The following FGF12 variants were observed in gnomAD, a reference collection of about 807,000 sequenced individuals.
The protein encoded by FGF12 is fibroblast growth factor 12B.
A neutral mutation model predicts 23.6 loss-of-function variants in FGF12; 14 were observed. The observed-to-expected ratio is 0.59, with a 90% confidence interval of 0.39 to 0.93. The LOEUF (loss-of-function observed/expected upper bound fraction) is 0.93. FGF12 is among the 40% of genes least tolerant of loss of function. FGF12 has a pLI of 0.00. For synonymous variants in FGF12, 62 were observed against 77.3 expected (o/e 0.80, Z 1.04); for missense variants, 175 against 217.8 (o/e 0.80, Z 1.24).
intron 3 of FGF12, among the ~76,000 whole-genome samples, chr3:192,337,904 A>G (rs1577366896): frequency 1.3e-5 from 2 of 152,322 alleles, no homozygotes; most frequent in East Asian, 3.9e-4. Context: ...TTAAAATCTA[A>G]TACCTTATAT....
chr3:192,643,084 T>G (rs1715866416), intron 2 of FGF12, among the ~76,000 whole-genome samples: 1 of 152,234 alleles, frequency 6.6e-6, no homozygotes, highest in South Asian at 2.1e-4. Flanking sequence ...TTTCTGCACA[T>G]AGCTGGCAGA....
At position 192,514,555 on chromosome 3, in the gene FGF12, T is replaced by G. The variant is rs982798739; in HGVS notation, c.14-154017A>C. 1.3e-5 allele frequency: 5 copies of G among 393,160 alleles called. No homozygotes were observed. The highest frequency in any genetic ancestry group is 6.4e-5 in the Admixed American group (1 of 15,532). 24.4% of individuals were successfully genotyped at this position (393,160 alleles called of 1,614,324 possible). ...CGCCCCAGTCGGGAAACGCCTTCCC[T>G]CCGCCACAGGCAGCGCTGAATGAAG... On this transcript the variant is annotated intron_variant, in intron 2 of 5. Transcript: ENST00000445105. The surrounding 1 kb of genome is among the most constrained non-coding windows in gnomAD (Gnocchi z 4.9).
intron 4 of FGF12, among the ~76,000 whole-genome samples, chr3:192,185,073 C>CT: frequency 6.6e-6 from 1 of 152,310 alleles, no homozygotes; most frequent in South Asian, 2.1e-4. Context: ...CAAATCTCTC[C>CT]TGGTCTTAAA....
intron 3 of FGF12, among the ~76,000 whole-genome samples, chr3:192,347,447 C>T (rs545384948): frequency 2.0e-5 from 3 of 152,252 alleles, no homozygotes; most frequent in African/African-American, 7.2e-5. Flanking sequence ...CTGCAGACTT[C>T]CTGATTCAAA....
chr3:192,614,333 C>T (rs1369921475), intron 2 of FGF12, among the ~76,000 whole-genome samples: 3 of 151,766 alleles, frequency 2.0e-5, no homozygotes, highest in East Asian at 1.9e-4. Context: ...TACATCTAGA[C>T]GAAAGTGAAG....
chr3:192,464,435 T>A (rs551429159), intron 2 of FGF12, among the ~76,000 whole-genome samples: 305 of 152,178 alleles, frequency 2.0e-3, no homozygotes, highest in African/African-American at 6.9e-3. Flanking sequence ...GCGGTCTCCA[T>A]CTCCATCCAA....
At chr3:192,254,882 C>T (rs540733294) in intron 4 of FGF12, among the ~76,000 whole-genome samples, 1 of 152,124 alleles carries the variant, frequency 6.6e-6, no homozygotes, top group South Asian at 2.1e-4. Flanking sequence ...ATATAAAACT[C>T]CTTCAAATTA....
At chr3:192,204,852 G>C (rs116686815) in intron 4 of FGF12, among the ~76,000 whole-genome samples, 1 of 151,816 alleles carries the variant, frequency 6.6e-6, no homozygotes, top group African/African-American at 2.4e-5. Flanking sequence ...CACCAAGACT[G>C]TACTCCAGCC....
intron 2 of FGF12, among the ~76,000 whole-genome samples, chr3:192,635,048 C>T (rs909168812): frequency 1.2e-4 from 18 of 152,088 alleles, no homozygotes; most frequent in African/African-American, 4.1e-4. Context: ...TTACTGGAGA[C>T]GGGTTTTTGC....
chr3:192,225,990 T>A (rs1718712874), intron 4 of FGF12, among the ~76,000 whole-genome samples: 2 of 152,174 alleles, frequency 1.3e-5, no homozygotes, highest in South Asian at 4.2e-4. Flanking sequence ...GGTATGGGAT[T>A]TATTTTGGGG....
At chr3:192,567,123 A>G (rs2108599503) in intron 2 of FGF12, among the ~76,000 whole-genome samples, 1 of 152,316 alleles carries the variant, frequency 6.6e-6, no homozygotes, top group East Asian at 1.9e-4. Flanking sequence ...GTGGAGGATA[A>G]AGATGGAAGT....
intron 4 of FGF12, among the ~76,000 whole-genome samples, chr3:192,247,008 G>C (rs1367928607): frequency 2.7e-5 from 4 of 146,548 alleles, no homozygotes; most frequent in Non-Finnish European, 6.0e-5. Context: ...AAGAAAGAAA[G>C]AAGGAAGGGA....
At position 192,533,660 on chromosome 3, in the gene FGF12, A is replaced by G. The variant is rs187734279; in HGVS notation, c.14-173122T>C. Among the ~76,000 whole-genome samples the G allele has an allele frequency of 6.6e-5, 10 of 152,100 alleles. No homozygotes were observed. The East Asian group carries it at 1.6e-3, about 24-fold the overall frequency. On this transcript the variant is annotated intron_variant, in intron 2 of 5. Coordinates refer to ENST00000445105, the MANE Select transcript of FGF12 (RefSeq NM_004113.6). ...CTTTTGAACTTTTGAGCCTCTGTTC[A>G]TTTTCTTTCCTTAGCCAAAACTGTC...
At chr3:192,515,834 CT>C (rs10681949) in intron 2 of FGF12, among the ~76,000 whole-genome samples, 5,080 of 147,692 alleles carry the variant, frequency 0.034, 290 homozygotes, top group African/African-American at 0.11. Context: ...CCCCTTGACT[CT>C]TTTTTTTTTT....
At chr3:192,642,057 C>A (rs1431512043) in intron 2 of FGF12, among the ~76,000 whole-genome samples, 1 of 152,148 alleles carries the variant, frequency 6.6e-6, no homozygotes, top group Non-Finnish European at 1.5e-5. Context: ...GATTTATATC[C>A]TTCTGTGTTT....
At chr3:192,722,920 T>C (rs756776759) in intron 2 of FGF12, among the ~76,000 whole-genome samples, 1 of 152,160 alleles carries the variant, frequency 6.6e-6, no homozygotes, top group Non-Finnish European at 1.5e-5. Flanking sequence ...GCTCAATAAA[T>C]ATTTGTTTAA....
intron 2 of FGF12, among the ~76,000 whole-genome samples, chr3:192,555,739 A>G (rs1471319252): frequency 2.0e-5 from 3 of 151,122 alleles, no homozygotes; most frequent in Non-Finnish European, 4.4e-5. Context: ...TGGAGATTGC[A>G]GCGAGCCGAG....
intron 2 of FGF12, among the ~76,000 whole-genome samples, chr3:192,632,601 G>C (rs1382244396): frequency 1.3e-5 from 2 of 152,202 alleles, no homozygotes; most frequent in Non-Finnish European, 2.9e-5. Context: ...AGAAAATGGA[G>C]TTTTAAATTC....
In FGF12 at chr3:192,675,848, C is replaced by T. The variant is rs530220143; in HGVS notation, c.13+51333G>A. Among the ~76,000 whole-genome samples the T allele has an allele frequency of 4.0e-4, 61 of 152,182 alleles. 1 individual carries two copies. Among genetic ancestry groups the T allele is most frequent in the Non-Finnish European group, 6.6e-4 (45 of 68,020 alleles). On this transcript the variant is annotated intron_variant, in intron 2 of 5. Coordinates refer to ENST00000445105, the MANE Select transcript of FGF12 (RefSeq NM_004113.6). ...AGCTAGGCAGATCAGTGGAAACAAC[C>T]GAGGTCTGCACAGCATGGCTCACCA... is the stretch of plus-strand genomic sequence containing the variant.
Sources: gnomAD v4.1 joint callset for allele counts (sites outside exome capture counted in the v4.1 genomes callset) on GRCh38, gnomAD v4.1.1 for gene constraint, Gnocchi (gnomAD v3.1) non-coding constraint, MANE v1.5 for transcripts, NCBI Gene and HGNC (gene_info 2026-07-23, HGNC 2026-07-21) for gene names.